The following MTDH variants were observed in gnomAD, a reference collection of about 807,000 sequenced individuals.
The protein encoded by MTDH is metadherin.
MTDH carries 34 observed loss-of-function variants against 72.7 expected under a neutral mutation model. That is an observed-to-expected ratio of 0.47 (90% CI 0.36 to 0.62). MTDH has a LOEUF of 0.62. Ranked by LOEUF, MTDH falls within the 20% of genes least tolerant of loss-of-function variation. The pLI, the probability that MTDH is intolerant of heterozygous loss-of-function variation, is 0.00. For synonymous variants in MTDH, 266 were observed against 268.9 expected (o/e 0.99, Z 0.10); for missense variants, 677 against 699.4 (o/e 0.97, Z 0.36).
intron 2 of MTDH, among the ~76,000 whole-genome samples, chr8:97,673,397 G>A (rs918241510): frequency 3.3e-5 from 5 of 152,020 alleles, no homozygotes; most frequent in Admixed American, 2.0e-4. Context: ...GGTGGTTCAC[G>A]CCTGTAATCC....
chr8:97,718,634 C>T (rs1814979534), intron 9 of MTDH, among the ~76,000 whole-genome samples: 1 of 151,104 alleles, frequency 6.6e-6, no homozygotes, highest in African/African-American at 2.4e-5. Flanking sequence ...AATTCTCATA[C>T]CTCCTCCTGA....
intron 7 of MTDH, among the ~76,000 whole-genome samples, chr8:97,704,138 T>G (rs1814251965): frequency 1.3e-5 from 2 of 152,186 alleles, no homozygotes; most frequent in Non-Finnish European, 2.9e-5. Context: ...AGGCTATAAA[T>G]TCTTATGTTG....
intron 2 of MTDH, among the ~76,000 whole-genome samples, chr8:97,674,906 G>A (rs953532312): frequency 6.6e-6 from 1 of 152,022 alleles, no homozygotes; most frequent in African/African-American, 2.4e-5. Flanking sequence ...GCCCTCCCGG[G>A]CTCAAGTGAT....
intron 6 of MTDH, chr8:97,696,377 C>T (rs892380084): frequency 1.8e-6 from 1 of 559,830 alleles, no homozygotes; most frequent in African/African-American, 2.0e-5. Context: ...TAATCAACAT[C>T]AAGTACTGCT....
intron 2 of MTDH, among the ~76,000 whole-genome samples, chr8:97,668,805 TC>T (rs1260274884): frequency 6.6e-6 from 1 of 152,098 alleles, no homozygotes; most frequent in Non-Finnish European, 1.5e-5. Context: ...CCCGCCCACC[TC>T]GGCCTCCCAA....
intron 6 of MTDH, among the ~76,000 whole-genome samples, chr8:97,691,545 G>A (rs550026859): frequency 6.6e-6 from 1 of 152,288 alleles, no homozygotes; most frequent in Non-Finnish European, 1.5e-5. Context: ...GTAAATGGAA[G>A]TACAGTTGAT....
chr8:97,648,568 A>G (rs1393692759), intron 1 of MTDH, among the ~76,000 whole-genome samples: 1 of 150,896 alleles, frequency 6.6e-6, no homozygotes, highest in Admixed American at 6.6e-5. Context: ...CTCATAGCTC[A>G]CTGCATCCTC....
chr8:97,684,149 A>C (rs1233714406), intron 2 of MTDH, among the ~76,000 whole-genome samples: 1 of 152,124 alleles, frequency 6.6e-6, no homozygotes, highest in East Asian at 1.9e-4. Flanking sequence ...CAAAAAAAAA[A>C]AAAAAACGAC....
At position 97,719,179 on chromosome 8, in the gene MTDH, A is replaced by G; in HGVS notation, c.1511A>G (p.Lys504Arg). Residue 504 changes from lysine to arginine, a missense_variant, in exon 10 of 12, where the codon AAA becomes AGA. Transcript: ENST00000336273. ...AGTGATCCAGCCGAAGTACTCGTCA[A>G]AAATAGCCAGGTAATTTTTAAGAAT... ...STSDPAEVLV[K>R]NSQPIKTLPP... The G allele has an allele frequency of 3.7e-6, 6 of 1,610,232 alleles. No homozygotes were observed. Among genetic ancestry groups the G allele is most frequent in the Non-Finnish European group, 5.1e-6 (6 of 1,179,166 alleles).
intron 11 of MTDH, 81 bp downstream of exon 11, chr8:97,723,116 A>C: frequency 2.1e-6 from 3 of 1,457,244 alleles, no homozygotes; most frequent in Non-Finnish European, 2.8e-6. Flanking sequence ...AGTCTAATGG[A>C]GGCCAGGCGC....
At chr8:97,689,462 G>GT (rs1381199764) in intron 5 of MTDH, among the ~76,000 whole-genome samples, 1 of 139,542 alleles carries the variant, frequency 7.2e-6, no homozygotes, top group African/African-American at 2.7e-5. Context: ...ATGCTTGTAT[G>GT]TTAAAAAAAA....
chr8:97,717,099 T>C (rs540544855), intron 9 of MTDH, among the ~76,000 whole-genome samples: 1 of 152,206 alleles, frequency 6.6e-6, no homozygotes, highest in Non-Finnish European at 1.5e-5. Context: ...TGAAAAACTT[T>C]GTAAGATTAC....
chr8:97,687,552 C>T lies in MTDH; in HGVS notation c.692C>T (p.Thr231Ile), dbSNP rs755871435. The change falls in exon 4 of 12, where the codon ACC becomes ATC. Residue 231 changes from threonine to isoleucine, a missense_variant. Physicochemically the swap from Thr to Ile is moderately conservative, Grantham distance 89 (BLOSUM62 -1). Around this residue, in one of 3 missense-constraint regions of MTDH, gnomAD observed 467 missense variants for 469.1 expected, o/e 1.00. Coordinates refer to ENST00000336273, the MANE Select transcript of MTDH (RefSeq NM_178812.4). ...IPGIENTITV[T>I]TEQLTTASFP... ...GGGATAGAAAATACCATCACAGTTA[C>T]CACCGAGCAACTTACAACCGCATCA... is the stretch of plus-strand genomic sequence containing the variant. The T allele has an allele frequency of 9.3e-6, 15 of 1,612,792 alleles. No homozygotes were observed. In the South Asian group the frequency reaches 1.5e-4, roughly 17 times the overall value.
rs1351019032 is a variant in MTDH, at chr8:97,713,715, CAAAAAGAAA to C, written c.1338_1346del (p.Lys449_Lys451del). On this transcript the variant is annotated inframe_deletion, in exon 9 of 12. Transcript: ENST00000336273. ...AGGGAGCTCTTCCAACTGGGAAATC[CAAAAAGAAA>C]AAAAAGAAAAAGAAGAAGCAAGGTG... 8 of 1,601,162 alleles carry C rather than the reference CAAAAAGAAA, an allele frequency of 5.0e-6. No homozygotes were observed. Among genetic ancestry groups the C allele is most frequent in the Admixed American group, 1.7e-5 (1 of 58,566 alleles).
At chr8:97,684,422 T>C (rs750277336) in intron 2 of MTDH, among the ~76,000 whole-genome samples, 7 of 139,312 alleles carry the variant, frequency 5.0e-5, no homozygotes, top group Non-Finnish European at 1.0e-4. Context: ...GATAGCAAAC[T>C]CTGACACCCC....
At chr8:97,681,270 A>G (rs1813058721) in intron 2 of MTDH, among the ~76,000 whole-genome samples, 1 of 152,150 alleles carries the variant, frequency 6.6e-6, no homozygotes, top group Non-Finnish European at 1.5e-5. Context: ...GGAATGTTCA[A>G]AGAGGTACCA....
intron 1 of MTDH, among the ~76,000 whole-genome samples, chr8:97,657,305 C>A (rs1034378089): frequency 1.3e-5 from 2 of 152,088 alleles, no homozygotes; most frequent in Admixed American, 6.6e-5. Context: ...TGAAAGATAT[C>A]TTTGGTCTAA....
intron 6 of MTDH, among the ~76,000 whole-genome samples, chr8:97,693,237 C>T (rs1331637316): frequency 2.6e-5 from 4 of 151,776 alleles, no homozygotes; most frequent in South Asian, 2.1e-4. Flanking sequence ...TTTTCTAATT[C>T]GATAAGCAAA....
intron 4 of MTDH, 121 bp downstream of exon 4, chr8:97,687,726 C>A (rs1473472437): frequency 1.2e-6 from 1 of 824,568 alleles, no homozygotes; most frequent in Non-Finnish European, 1.8e-6. Context: ...TGCTGATATA[C>A]CCTTCTTCAT....
Sources: gnomAD v4.1 joint callset for allele counts (sites outside exome capture counted in the v4.1 genomes callset) on GRCh38, gnomAD v4.1.1 for gene constraint, gnomAD v4.1.1 regional missense constraint, MANE v1.5 for transcripts, NCBI Gene and HGNC (gene_info 2026-07-23, HGNC 2026-07-21) for gene names.